The following PLEKHA6 variants were observed in gnomAD, a reference collection of about 807,000 sequenced individuals.
PLEKHA6 encodes pleckstrin homology domain-containing family A member 6.
PLEKHA6 carries 60 observed loss-of-function variants against 116.7 expected under a neutral mutation model. That is an observed-to-expected ratio of 0.51 (90% CI 0.42 to 0.64). The LOEUF is 0.64. Among genes scored for constraint, PLEKHA6 ranks in the 30% least tolerant of loss-of-function variants. The pLI, the probability that PLEKHA6 is intolerant of heterozygous loss-of-function variation, is 0.00. For synonymous variants in PLEKHA6, 489 were observed against 556.1 expected (o/e 0.88, Z 1.70); for missense variants, 1,338 against 1,422.7 (o/e 0.94, Z 0.96).
At position 204,348,058 on chromosome 1, in the gene PLEKHA6, C is replaced by G. The variant is rs960985344; in HGVS notation, c.-95+11636G>C. On this transcript the variant is annotated intron_variant, in intron 1 of 22. Transcript: ENST00000272203. Reference sequence around the variant, plus strand: ...AATTTCAGCGGAATTCCTAGTCGCACACACCCACCACCCTGGCCTGTAACA... The same window carrying G: ...AATTTCAGCGGAATTCCTAGTCGCAGACACCCACCACCCTGGCCTGTAACA... Among the ~76,000 whole-genome samples the G allele has an allele frequency of 2.0e-5, 3 of 152,166 alleles. No homozygotes were observed. The South Asian group carries it at 6.2e-4, about 32-fold the overall frequency.
At chr1:204,234,589 G>A (rs1011484216) in intron 17 of PLEKHA6, among the ~76,000 whole-genome samples, 1 of 152,008 alleles carries the variant, frequency 6.6e-6, no homozygotes, top group African/African-American at 2.4e-5. Context: ...GGTTAATACT[G>A]AGCATCAACT....
At chr1:204,347,593 G>A (rs977829021) in intron 1 of PLEKHA6, among the ~76,000 whole-genome samples, 3 of 151,508 alleles carry the variant, frequency 2.0e-5, no homozygotes, top group South Asian at 2.1e-4. Context: ...TTGGGGAAGC[G>A]ATAAGTGTCC....
intron 1 of PLEKHA6, among the ~76,000 whole-genome samples, chr1:204,282,477 C>T (rs1308837201): frequency 6.6e-6 from 1 of 152,160 alleles, no homozygotes; most frequent in Non-Finnish European, 1.5e-5. Context: ...TGTCCCTGCC[C>T]CATCTCTGGG....
rs1179043077 is a variant in PLEKHA6 at position 204,261,606 on chromosome 1, G to C, written c.382-158C>G. 1.3e-6 allele frequency: 1 copy of C among 776,550 alleles called. No homozygotes were observed. The highest frequency in any genetic ancestry group is 2.0e-6 in the Non-Finnish European group (1 of 492,162). 48.1% of individuals were successfully genotyped at this position (776,550 alleles called of 1,614,324 possible). ...CCCATGCGGAGCTCAGGAGCAAGGTGAAGAGGGCAGCTTGCAGCTACCCCG... is the reference window on the plus strand; with the variant it reads ...CCCATGCGGAGCTCAGGAGCAAGGTCAAGAGGGCAGCTTGCAGCTACCCCG... On this transcript the variant is annotated intron_variant, in intron 6 of 22. Transcript: ENST00000272203. This position sits in a 1 kb window ranked among gnomAD's most constrained non-coding sequence, Gnocchi z 4.0.
At chr1:204,264,793 T>A in intron 6 of PLEKHA6, 149 bp downstream of exon 6, 1 of 691,270 alleles carries the variant, frequency 1.4e-6, no homozygotes, top group South Asian at 1.6e-5. Flanking sequence ...CCATTACTAC[T>A]CCTCCTCCCC....
rs777792697 is a variant in PLEKHA6, at chr1:204,257,843, C to T, written c.1034G>A (p.Arg345His). The change falls in exon 9 of 23, where the codon CGC becomes CAC. Residue 345 changes from arginine (R) to histidine (H), a missense_variant. Physicochemically the swap from Arg to His is conservative, Grantham distance 29. Transcript: ENST00000272203. The surrounding 1 kb of genome is among the most constrained non-coding windows in gnomAD (Gnocchi z 6.5). The part of the protein sequence containing the change: ...RSPSRFYPVS[R>H]RVPEYYGPYS... ...GGGGCCATAGTACTCAGGGACCCTGCGAGACACAGGATAGAACCTAGAGGG... is the reference window on the plus strand; with the variant it reads ...GGGGCCATAGTACTCAGGGACCCTGTGAGACACAGGATAGAACCTAGAGGG... The T allele has an allele frequency of 1.7e-5, 27 of 1,612,620 alleles. No homozygotes were observed. The highest frequency in any genetic ancestry group is 9.4e-5 in the African/African-American group (7 of 74,838).
At chr1:204,356,584 T>TAATAATAATAATAATAATAA (rs201831151) in intron 1 of PLEKHA6, among the ~76,000 whole-genome samples, 9 of 127,534 alleles carry the variant, frequency 7.1e-5, no homozygotes, top group African/African-American at 2.6e-4. Context: ...AATAATAATA[T>TAATAATAATAATAATAATAA]TAATAATAAT....
At chr1:204,348,659 A>T (rs1318658596) in intron 1 of PLEKHA6, among the ~76,000 whole-genome samples, 1 of 152,036 alleles carries the variant, frequency 6.6e-6, no homozygotes, top group Non-Finnish European at 1.5e-5. Context: ...GGTATTCCAC[A>T]GCCACTCGCG....
intron 1 of PLEKHA6, among the ~76,000 whole-genome samples, chr1:204,330,083 G>T (rs1212152529): frequency 6.6e-6 from 1 of 152,082 alleles, no homozygotes; most frequent in East Asian, 1.9e-4. Context: ...CAGGACAGTT[G>T]ATTACATTAA....
chr1:204,247,922 C>T (rs1663967153), intron 12 of PLEKHA6, among the ~76,000 whole-genome samples: 1 of 149,564 alleles, frequency 6.7e-6, no homozygotes, highest in Non-Finnish European at 1.5e-5. Flanking sequence ...TACTGCACTC[C>T]AGCCTGGGTG....
intron 3 of PLEKHA6, among the ~76,000 whole-genome samples, chr1:204,269,977 T>C (rs1048154923): frequency 2.0e-5 from 3 of 152,216 alleles, no homozygotes; most frequent in South Asian, 2.1e-4. Flanking sequence ...TTCCCTTACT[T>C]ACTCTTCAGT....
chr1:204,286,908 G>A (rs980393689), intron 1 of PLEKHA6, among the ~76,000 whole-genome samples: 6 of 152,128 alleles, frequency 3.9e-5, no homozygotes, highest in African/African-American at 1.4e-4. Flanking sequence ...GCCCTGCTGG[G>A]TCTAGTGGCT....
chr1:204,329,494 T>C (rs547155995), intron 1 of PLEKHA6, among the ~76,000 whole-genome samples: 43 of 152,326 alleles, frequency 2.8e-4, no homozygotes, highest in African/African-American at 9.6e-4. Flanking sequence ...TAGCCTGTAA[T>C]GGATTAATGG....
In PLEKHA6 at chr1:204,248,851, G is replaced by A; in HGVS notation, c.1794C>T (p.Asn598=). The change falls in exon 12 of 23, where the codon AAC becomes AAT. Residue 598 remains asparagine (N), a synonymous_variant. Coordinates refer to ENST00000272203, the MANE Select transcript of PLEKHA6 (RefSeq NM_014935.5). ...TCGCCTGAGACAGCTCCACGCGGAT[G>A]TTGATGAGCTGGTTCTGCAGTGAAT... is the stretch of plus-strand genomic sequence containing the variant. ...KKDSLQNQLI[N]IRVELSQATT... 6.2e-7 allele frequency: 1 copy of A among 1,614,072 alleles called. No homozygotes were observed. The highest frequency in any genetic ancestry group is 8.5e-7 in the Non-Finnish European group (1 of 1,179,988).
intron 3 of PLEKHA6, chr1:204,367,787 C>T (rs1019392151): frequency 3.9e-5 from 6 of 152,196 alleles, no homozygotes; most frequent in African/African-American, 4.8e-5. Context: ...AAGGAAACTG[C>T]GTCTTACTCA....
chr1:204,357,257 G>T (rs757713461), intron 1 of PLEKHA6, among the ~76,000 whole-genome samples: 6 of 152,154 alleles, frequency 3.9e-5, no homozygotes, highest in African/African-American at 7.2e-5. Flanking sequence ...TCCAAGTGAG[G>T]CTGCTGCTTC....
chr1:204,271,666 TC>T (rs1207447322), intron 3 of PLEKHA6, among the ~76,000 whole-genome samples: 1 of 152,188 alleles, frequency 6.6e-6, no homozygotes, highest in Non-Finnish European at 1.5e-5. Flanking sequence ...TATCCTGGCC[TC>T]CTATCTTTCT....
chr1:204,222,829 G>A (rs1210511525), intron 22 of PLEKHA6, 50 bp from the exon 23 acceptor site: 2 of 154,852 alleles, frequency 1.3e-5, no homozygotes, highest in Admixed American at 6.4e-5. Context: ...GAGGAGCAAG[G>A]ACTCCAGCCA....
intron 1 of PLEKHA6, among the ~76,000 whole-genome samples, chr1:204,329,693 GCATAA>G (rs1474763952): frequency 6.6e-6 from 1 of 152,206 alleles, no homozygotes; most frequent in Admixed American, 6.5e-5. Flanking sequence ...TACAGGGACA[GCATAA>G]CATGTTAAAT....
Sources: allele counts gnomAD v4.1 joint callset (sites outside exome capture counted in the v4.1 genomes callset), GRCh38; gene constraint gnomAD v4.1.1; non-coding constraint Gnocchi (gnomAD v3.1); transcripts MANE v1.5; gene names NCBI Gene and HGNC (gene_info 2026-07-23, HGNC 2026-07-21).